The following COPS3 variants were observed in gnomAD, a reference collection of about 807,000 sequenced individuals.
COPS3 encodes the protein COP9 signalosome complex subunit 3.
Under a neutral mutation model 58.2 loss-of-function variants are expected in COPS3, and 10 were observed. The ratio of observed to expected loss-of-function variants is 0.17; its 90% CI spans 0.11 to 0.29. The LOEUF is 0.29. COPS3 is among the 10% of genes least tolerant of loss of function. The probability of loss-of-function intolerance (pLI) is 1.00; values close to 1 mark genes in which losing one functional copy is unlikely to be tolerated. For synonymous variants in COPS3, 187 were observed against 181.7 expected, an observed-to-expected ratio of 1.03 and a Z score of -0.24; for missense variants, 333 against 510.1, an observed-to-expected ratio of 0.65 and a Z score of 3.34.
chr17:17,254,455 T>G (rs1385380960), intron 9 of COPS3, among the ~76,000 whole-genome samples: 1 of 152,114 alleles, frequency 6.6e-6, no homozygotes, highest in African/African-American at 2.4e-5. Context: ...CTTTTTAATA[T>G]TTTCCACAAT....
chr17:17,259,024 C>T (rs1365718201), intron 8 of COPS3, among the ~76,000 whole-genome samples: 6 of 152,092 alleles, frequency 3.9e-5, no homozygotes, highest in Non-Finnish European at 7.4e-5. Flanking sequence ...CCCACCTCAA[C>T]GGCCACCCCG....
At chr17:17,249,492 T>A (rs1340760012) in intron 9 of COPS3, among the ~76,000 whole-genome samples, 1 of 151,672 alleles carries the variant, frequency 6.6e-6, no homozygotes, top group Admixed American at 6.6e-5. Context: ...CCAGGCTAAT[T>A]TTTTTGTTGT....
intron 2 of COPS3, 45 bp from the exon 3 acceptor site, chr17:17,271,053 G>A: frequency 7.5e-7 from 1 of 1,332,944 alleles, no homozygotes; most frequent in Non-Finnish European, 1.1e-6. Context: ...TAGTTCATGG[G>A]ATAAAATACA....
intron 8 of COPS3, among the ~76,000 whole-genome samples, chr17:17,256,844 G>A (rs1378990071): frequency 6.6e-6 from 1 of 152,080 alleles, no homozygotes; most frequent in Non-Finnish European, 1.5e-5. Context: ...TCCTGCCTCA[G>A]CTCCCCAAAG....
chr17:17,276,003 A>C (rs1279420490), intron 2 of COPS3, 32 bp downstream of exon 2: 6 of 1,582,500 alleles, frequency 3.8e-6, no homozygotes, highest in Non-Finnish European at 5.2e-6. Context: ...CATTTTAACA[A>C]GCACAGAACT....
At chr17:17,258,335 G>A (rs2048023319) in intron 8 of COPS3, among the ~76,000 whole-genome samples, 2 of 152,086 alleles carry the variant, frequency 1.3e-5, no homozygotes, top group African/African-American at 4.8e-5. Flanking sequence ...GTCTCACTTT[G>A]TCCCCCAGAC....
At chr17:17,276,237 T>C in intron 1 of COPS3, 73 bp from the exon 2 acceptor site, 2 of 1,580,906 alleles carry the variant, frequency 1.3e-6, no homozygotes, top group South Asian at 2.3e-5. Flanking sequence ...TAACCACAAC[T>C]TTGTACTTCA....
intron 2 of COPS3, among the ~76,000 whole-genome samples, chr17:17,272,385 T>C (rs971863073): frequency 6.6e-6 from 1 of 152,004 alleles, no homozygotes; most frequent in Non-Finnish European, 1.5e-5. Flanking sequence ...ATCGTGCCAC[T>C]GCACTCCAGC....
intron 3 of COPS3, 28 bp downstream of exon 3, chr17:17,270,868 A>C: frequency 6.2e-7 from 1 of 1,608,608 alleles, no homozygotes; most frequent in Non-Finnish European, 8.5e-7. Flanking sequence ...AATATTTTCA[A>C]TGGAGAATAA....
rs747312863 is a variant in COPS3, at chr17:17,276,069, C to T, written c.151G>A (p.Val51Ile). 14 of 1,614,034 alleles carry T rather than the reference C, an allele frequency of 8.7e-6. No homozygotes were observed. Among genetic ancestry groups the T allele is most frequent in the Non-Finnish European group, 1.1e-5 (13 of 1,180,000 alleles). The change falls in exon 2 of 12, where the codon GTA becomes ATA. Residue 51 changes from valine to isoleucine, a missense_variant. Val to Ile is a conservative substitution (Grantham distance 29, BLOSUM62 3). Coordinates refer to ENST00000268717, the MANE Select transcript of COPS3 (RefSeq NM_003653.4). ...HLDTVLGALD[V>I]QEHSLGVLAV... ...AGGACGCCCAAGGAGTGTTCTTGTACATCCAGAGCCCCGAGCACAGTGTCC... is the reference window on the plus strand; with the variant it reads ...AGGACGCCCAAGGAGTGTTCTTGTATATCCAGAGCCCCGAGCACAGTGTCC...
chr17:17,273,139 G>A (rs1233413806), intron 2 of COPS3, among the ~76,000 whole-genome samples: 1 of 152,202 alleles, frequency 6.6e-6, no homozygotes, highest in Non-Finnish European at 1.5e-5. Context: ...GACTTAAAGT[G>A]AGAGTCTGGC....
chr17:17,266,114 CAT>C (rs2048215620), intron 5 of COPS3, among the ~76,000 whole-genome samples: 1 of 152,168 alleles, frequency 6.6e-6, no homozygotes, highest in African/African-American at 2.4e-5. Flanking sequence ...GAAACTAGAA[CAT>C]GTGTTTGAAA....
At chr17:17,255,092 G>C (rs1203532780) in intron 8 of COPS3, 147 bp from the exon 9 acceptor site, 1 of 552,940 alleles carries the variant, frequency 1.8e-6, no homozygotes, top group Non-Finnish European at 3.2e-6. Context: ...ATGAGGCCAG[G>C]AGATTGAGAC....
chr17:17,280,589 C>G, intron 1 of COPS3: 1 of 1,296,814 alleles, frequency 7.7e-7, no homozygotes, highest in Non-Finnish European at 1.0e-6. Context: ...AGAGCTTCCG[C>G]AGCATTCTGT....
At position 17,262,096 on chromosome 17, in the gene COPS3, G is replaced by A; in HGVS notation, c.632C>T (p.Thr211Ile). The change falls in exon 7 of 12, where the codon ACT becomes ATT. Residue 211 changes from threonine to isoleucine, a missense_variant. By Grantham distance (89) the Thr-to-Ile change is moderately conservative. Transcript: ENST00000268717. ...GATATGACTGACCGCCATGGCAGGA[G>A]TAGTTATAGCCTAGGCAAGAGAAGA... The part of the protein sequence containing the change: ...ALYFYEQAIT[T>I]PAMAVSHIML... 6.2e-7 allele frequency: 1 copy of A among 1,610,272 alleles called. No homozygotes were observed. Among genetic ancestry groups the A allele is most frequent in the Non-Finnish European group, 8.5e-7 (1 of 1,179,010 alleles).
chr17:17,260,516 A>C, intron 7 of COPS3, 42 bp from the exon 8 acceptor site: 1 of 1,600,190 alleles, frequency 6.2e-7, no homozygotes. Context: ...TTAAAACTTC[A>C]GAAGAGGCCA....
chr17:17,281,021 A>C (rs1210036292), intron 1 of COPS3, 111 bp downstream of exon 1: 5 of 1,259,388 alleles, frequency 4.0e-6, no homozygotes, highest in Non-Finnish European at 5.6e-6. Context: ...CCGGCCCCGG[A>C]GAAGAGTCTC....
At chr17:17,261,929 G>A in intron 7 of COPS3, 37 bp downstream of exon 7, 1 of 1,536,056 alleles carries the variant, frequency 6.5e-7, no homozygotes, top group Non-Finnish European at 8.8e-7. Flanking sequence ...TACTCAACAT[G>A]CTCACGTAAG....
intron 8 of COPS3, among the ~76,000 whole-genome samples, chr17:17,259,546 GT>G (rs1325899225): frequency 1.3e-5 from 2 of 152,070 alleles, no homozygotes; most frequent in Non-Finnish European, 2.9e-5. Context: ...ATTGCACAAA[GT>G]TTGTACAACC....
Sources: allele counts gnomAD v4.1 joint callset (sites outside exome capture counted in the v4.1 genomes callset), GRCh38; gene constraint gnomAD v4.1.1; transcripts MANE v1.5; gene names NCBI Gene and HGNC (gene_info 2026-07-23, HGNC 2026-07-21).